Variants in MIOX observed in about 807,000 individuals in gnomAD.
MIOX encodes the protein inositol oxygenase.
In MIOX, 51 loss-of-function variants were observed where a neutral mutation model predicts 42.7. The observed-to-expected ratio is 1.19, with a 90% confidence interval of 0.95 to 1.51. MIOX has a LOEUF of 1.51. Among genes scored for constraint, MIOX ranks in the 40% most tolerant of loss-of-function variants. The pLI is 0.00. For missense variants in MIOX, 395 were observed against 381.3 expected (o/e 1.04, Z -0.30); for synonymous variants, 168 against 154.4 (o/e 1.09, Z -0.65).
intron 2 of MIOX, 64 bp downstream of exon 2, chr22:50,487,529 C>T (rs2068285597): frequency 6.4e-7 from 1 of 1,570,364 alleles, no homozygotes; most frequent in East Asian, 2.2e-5. Flanking sequence ...AGCACTTGCC[C>T]TTCACACAGT....
rs145084575 is a variant in MIOX at position 50,489,091 on chromosome 22, G to C, written c.460G>C (p.Val154Leu). 1 of 1,612,580 alleles carries C rather than the reference G, an allele frequency of 6.2e-7. No homozygotes were observed. The highest frequency in any genetic ancestry group is 2.2e-5 in the East Asian group (1 of 44,854). The change falls in exon 6 of 10, where the codon GTG (valine) becomes CTG (leucine). Residue 154 changes from valine to leucine, a missense_variant. Coordinates refer to ENST00000216075, the MANE Select transcript of MIOX (RefSeq NM_017584.6). ...CGTCGGATGCCGTCCGCAGGCCTCC[G>C]TGGTTTTCTGCGACTCCACCTTCCA... Reference protein sequence around the residue: ...FPVGCRPQASVVFCDSTFQDN... With the variant: ...FPVGCRPQASLVFCDSTFQDN...
In MIOX at chr22:50,487,645, GA is replaced by G; in HGVS notation, c.97-16del. On this transcript the variant is annotated splice_polypyrimidine_tract_variant and intron_variant, in intron 2 of 9. Coordinates refer to ENST00000216075, the MANE Select transcript of MIOX (RefSeq NM_017584.6). ...TGTGCAGGGTGGGGGTGGCGCCACT[GA>G]CCCTCCGGCCTGCAGTCAGGTCCCC... 1 of 1,609,788 alleles carries G rather than the reference GA, an allele frequency of 6.2e-7. No homozygotes were observed. Among genetic ancestry groups the G allele is most frequent in the Non-Finnish European group, 8.5e-7 (1 of 1,178,024 alleles).
intron 1 of MIOX, among the ~76,000 whole-genome samples, chr22:50,487,144 G>A (rs1454723642): frequency 1.3e-5 from 2 of 152,222 alleles, no homozygotes; most frequent in Non-Finnish European, 2.9e-5. Context: ...CCTGTACCCC[G>A]GAAGCAGACG....
chr22:50,487,348 A>G (rs575819406), intron 1 of MIOX, 37 bp from the exon 2 acceptor site: 4 of 1,547,230 alleles, frequency 2.6e-6, no homozygotes, highest in Non-Finnish European at 1.8e-6. Flanking sequence ...TGGAGCTGAC[A>G]TGATGGTGAA....
chr22:50,487,253 T>C, intron 1 of MIOX, 132 bp from the exon 2 acceptor site: 1 of 761,912 alleles, frequency 1.3e-6, no homozygotes, highest in East Asian at 2.6e-5. Flanking sequence ...TGGGAGAGGC[T>C]GTGTCCTCGC....
At position 50,489,073 on chromosome 22, in the gene MIOX, TGCCGTCCGCAG is replaced by T; in HGVS notation, c.446_456del (p.Arg149LeufsTer14). 6.2e-7 allele frequency: 1 copy of T among 1,611,392 alleles called. No homozygotes were observed. Among genetic ancestry groups the T allele is most frequent in the Non-Finnish European group, 8.5e-7 (1 of 1,179,750 alleles). On this transcript the variant is annotated frameshift_variant, in exon 6 of 10. Transcript: ENST00000216075. LOFTEE classifies it high-confidence loss of function. ...CGTCGGCGACACCTTCCCCGTCGGA[TGCCGTCCGCAG>T]GCCTCCGTGGTTTTCTGCGACTCCA...
rs143408176 is a variant in MIOX at position 50,489,783 on chromosome 22, C to T, written c.785C>T (p.Pro262Leu). The T allele has an allele frequency of 1.1e-4, 185 of 1,612,072 alleles. 1 individual carries two copies. Among genetic ancestry groups the T allele is most frequent in the East Asian group, 6.0e-4 (27 of 44,892 alleles). The change falls in exon 10 of 10, where the codon CCG (proline) becomes CTG (leucine). Residue 262 changes from proline to leucine, a missense_variant. Pro to Leu is a moderately conservative substitution (Grantham distance 98, BLOSUM62 -3). Transcript: ENST00000216075. ...CTCTACACCAAGTGCCCGGACCTGC[C>T]GGACGTGGACAAGCTGCGGCCCTAC... Reference protein sequence around the residue: ...FDLYTKCPDLPDVDKLRPYYQ... With the variant: ...FDLYTKCPDLLDVDKLRPYYQ...
intron 5 of MIOX, among the ~76,000 whole-genome samples, chr22:50,488,769 T>TGTCCCTCCCATCCCTCCC (rs2068312535): frequency 1.8e-5 from 1 of 56,460 alleles, no homozygotes; most frequent in Non-Finnish European, 2.9e-5. Flanking sequence ...CTGTCCCTCC[T>TGTCCCTCCCATCCCTCCC]GTCCCTCCCA....
Position 50,489,457 on chromosome 22 carries a change from G to A in MIOX, c.636+11G>A, listed in dbSNP as rs771595141. On this transcript the variant is annotated intron_variant, in intron 8 of 9. Coordinates refer to ENST00000216075, the MANE Select transcript of MIOX (RefSeq NM_017584.6). Reference sequence around the variant, plus strand: ...TCACTGCCCCCTGAGGTAGGTGGGGGGAGGGGCAACGCAGCCCGTCCACCA... The same window carrying A: ...TCACTGCCCCCTGAGGTAGGTGGGGAGAGGGGCAACGCAGCCCGTCCACCA... The A allele has an allele frequency of 1.9e-6, 3 of 1,608,328 alleles. No homozygotes were observed. The highest frequency in any genetic ancestry group is 2.5e-6 in the Non-Finnish European group (3 of 1,177,612).
At chr22:50,489,497 G>C in intron 8 of MIOX, 35 bp from the exon 9 acceptor site, 1 of 1,611,520 alleles carries the variant, frequency 6.2e-7, no homozygotes. Context: ...CGGTCCTGCA[G>C]CCCCAAGTGA....
In MIOX at chr22:50,489,028, G is replaced by GTCCCTCCTT. The variant is rs2148636852; in HGVS notation, c.409-6_409-5insCTTTCCCTC. The GTCCCTCCTT allele has an allele frequency of 6.2e-7, 1 of 1,600,786 alleles. No individual in the cohort carries two copies. ...CCCCCCATGGCCTCCCGTCCCTCCT[G>GTCCCTCCTT]TCCCTCTGCAGTGGGCTGTCGTCGG... is the stretch of plus-strand genomic sequence containing the variant. On this transcript the variant is annotated splice_polypyrimidine_tract_variant and intron_variant, in intron 5 of 9. Coordinates refer to ENST00000216075, the MANE Select transcript of MIOX (RefSeq NM_017584.6).
intron 7 of MIOX, 24 bp downstream of exon 7, chr22:50,489,319 G>A (rs941036294): frequency 3.4e-5 from 50 of 1,473,350 alleles, no homozygotes; most frequent in Non-Finnish European, 4.3e-5. Context: ...CGGGCAGTGG[G>A]GCGGTGGGGG....
At chr22:50,489,325 G>C (rs1290997359) in intron 7 of MIOX, 30 bp downstream of exon 7, 3 of 1,482,742 alleles carry the variant, frequency 2.0e-6, no homozygotes, top group African/African-American at 1.4e-5. Context: ...GTGGGGCGGT[G>C]GGGGGCGGTG....
Position 50,489,649 on chromosome 22 carries a change from G to C in MIOX, c.749+5G>C. 6.4e-7 allele frequency: 1 copy of C among 1,563,178 alleles called. No homozygotes were observed. Among genetic ancestry groups the C allele is most frequent in the South Asian group, 1.1e-5 (1 of 90,530 alleles). On this transcript the variant is annotated splice_donor_5th_base_variant and intron_variant, in intron 9 of 9. Transcript: ENST00000216075. Reference sequence around the variant, plus strand: ...GCCCTGGGTGCGGGAGTTCAAGTACGCCCCGCTACCCGCCGAGGGGTGTTG... The same window carrying C: ...GCCCTGGGTGCGGGAGTTCAAGTACCCCCCGCTACCCGCCGAGGGGTGTTG...
Position 50,489,231 on chromosome 22 carries a change from A to G in MIOX, c.522A>G (p.Thr174=), listed in dbSNP as rs1482522117. ...TCACCCTGGTATCTCACTGCAGCAC[A>G]GAGCTCGGGATGTATCAGCCCCACT... is the stretch of plus-strand genomic sequence containing the variant. ...NPDLQDPRYS[T]ELGMYQPHCG... is the part of the protein sequence containing the mutation. The change falls in exon 7 of 10, where the codon ACA becomes ACG. Residue 174 remains threonine (T), a synonymous_variant. Transcript: ENST00000216075. 3 of 1,605,518 alleles carry G rather than the reference A, an allele frequency of 1.9e-6. No homozygotes were observed. Among genetic ancestry groups the G allele is most frequent in the South Asian group, 2.2e-5 (2 of 90,794 alleles).
rs41280565 is a variant in MIOX at position 50,489,527 on chromosome 22, C to T, written c.637-5C>T. 10,093 of 1,612,532 alleles carry T rather than the reference C, an allele frequency of 6.3e-3. 53 individuals carry two copies. Among genetic ancestry groups the T allele is most frequent in the Non-Finnish European group, 6.8e-3 (8,079 of 1,179,822 alleles). ...AAGTGAGCCGCTGGGTGGCCTTGCC[C>T]GCAGGCTTTCTACATGATCCGGTTC... On this transcript the variant is annotated splice_polypyrimidine_tract_variant and splice_region_variant and intron_variant, in intron 8 of 9. Transcript: ENST00000216075.
rs762135113 is a variant in MIOX, at chr22:50,487,987, C to T, written c.279C>T (p.Phe93=). The stretch of plus-strand genomic sequence containing the variant: ...ATGAGTCGGACCCGGACGTAGATTT[C>T]CCCAACTCCTTCCATGCCTTCCAGA... The part of the protein sequence containing the change: ...LVDESDPDVD[F]PNSFHAFQTA... The change falls in exon 4 of 10, where the codon TTC becomes TTT. Residue 93 remains phenylalanine, a synonymous_variant. Coordinates refer to ENST00000216075, the MANE Select transcript of MIOX (RefSeq NM_017584.6). 16 of 1,613,902 alleles carry T rather than the reference C, an allele frequency of 9.9e-6. No individual in the cohort carries two copies. The highest frequency in any genetic ancestry group is 1.1e-5 in the South Asian group (1 of 91,092).
Position 50,486,920 on chromosome 22 carries a change from C to T in MIOX, c.15+8C>T. ...AGGATGAAGGTGACGGTGGTGAGTA[C>T]CCAGACCCCATGCAGAGAGGCTCTG... On this transcript the variant is annotated splice_region_variant and intron_variant, in intron 1 of 9. Coordinates refer to ENST00000216075, the MANE Select transcript of MIOX (RefSeq NM_017584.6). 2 of 1,613,718 alleles carry T rather than the reference C, an allele frequency of 1.2e-6. No homozygotes were observed. Among genetic ancestry groups the T allele is most frequent in the East Asian group, 2.2e-5 (1 of 44,882 alleles).
rs1463209760 is a variant in MIOX, at chr22:50,490,208, G to A, written c.*352G>A. The A allele has an allele frequency of 3.2e-6, 1 of 315,194 alleles. No homozygotes were observed. Among genetic ancestry groups the A allele is most frequent in the African/African-American group, 2.1e-5 (1 of 47,856 alleles). 19.5% of individuals were successfully genotyped at this position (315,194 alleles called of 1,614,324 possible). On this transcript the variant is annotated 3_prime_UTR_variant, in exon 10 of 10. Transcript: ENST00000216075. ...TCCCAGCTCCTGTGTCAGAGCCTGG[G>A]GGACGAGTCACCCAGCTCACCCCCA...
Sources: allele counts gnomAD v4.1 joint callset (sites outside exome capture counted in the v4.1 genomes callset), GRCh38; gene constraint gnomAD v4.1.1; transcripts MANE v1.5; gene names NCBI Gene and HGNC (gene_info 2026-07-23, HGNC 2026-07-21).